The following ATE1 variants were observed in gnomAD, a reference collection of about 807,000 sequenced individuals.
ATE1 encodes the protein arginyltransferase 1.
Under a neutral mutation model 70.5 loss-of-function variants are expected in ATE1, and 36 were observed. That is an observed-to-expected ratio of 0.51 (90% CI 0.39 to 0.67). ATE1 has a LOEUF of 0.67. Among genes scored for constraint, ATE1 ranks in the 30% least tolerant of loss-of-function variants. The probability of loss-of-function intolerance (pLI) is 0.00; values close to 1 mark genes in which losing one functional copy is unlikely to be tolerated. For missense variants in ATE1, 593 were observed against 629.5 expected (o/e 0.94, Z 0.62); for synonymous variants, 232 against 219.3 (o/e 1.06, Z -0.51).
At chr10:121,843,324 A>C (rs1347594195) in intron 8 of ATE1, among the ~76,000 whole-genome samples, 1 of 152,228 alleles carries the variant, frequency 6.6e-6, no homozygotes, top group Non-Finnish European at 1.5e-5. Flanking sequence ...TTATGTGTGC[A>C]TGGATTAGAA....
At chr10:121,785,984 C>T (rs1395006973) in intron 11 of ATE1, among the ~76,000 whole-genome samples, 2 of 151,946 alleles carry the variant, frequency 1.3e-5, no homozygotes, top group Non-Finnish European at 2.9e-5. Flanking sequence ...TAGTAGCCCC[C>T]TTGAAATGAA....
In ATE1 at chr10:121,913,872, C is replaced by T. The variant is rs932760063; in HGVS notation, c.255G>A (p.Gln85=). The change falls in exon 4 of 12, where the codon CAG becomes CAA. Residue 85 remains glutamine (Q), a synonymous_variant. Coordinates refer to ENST00000224652, the MANE Select transcript of ATE1 (RefSeq NM_001001976.3). ...AAACCTTCTTGTGAGATTTTGAAGG[C>T]TGAAATTGTAAAGGTCGGCACCTAG... ...YTIRCRPLQF[Q]PSKSHKKVLK... The T allele has an allele frequency of 3.1e-6, 5 of 1,611,900 alleles. No homozygotes were observed. Among genetic ancestry groups the T allele is most frequent in the African/African-American group, 2.7e-5 (2 of 74,950 alleles).
intron 11 of ATE1, among the ~76,000 whole-genome samples, chr10:121,756,848 T>C (rs1210632730): frequency 1.3e-5 from 2 of 152,200 alleles, no homozygotes; most frequent in Non-Finnish European, 2.9e-5. Context: ...GGGGCTGCCA[T>C]GAAGACCTCT....
chr10:121,928,192 G>A, upstream of ATE1: 4 of 1,315,954 alleles, frequency 3.0e-6, no homozygotes, highest in Non-Finnish European at 3.9e-6. Context: ...CGTCAGTGAG[G>A]GTGAGGCGGA....
rs181075458 is a variant in ATE1, at chr10:121,837,216, G to A, written c.1158-399C>T. On this transcript the variant is annotated intron_variant, in intron 9 of 11. Transcript: ENST00000224652. ...CTCAAAAGCCAATAAATTACAGGACGAATAACTATTATTATGACCATTTAC... is the reference window on the plus strand; with the variant it reads ...CTCAAAAGCCAATAAATTACAGGACAAATAACTATTATTATGACCATTTAC... Among the ~76,000 whole-genome samples the A allele has an allele frequency of 5.9e-5, 9 of 152,262 alleles. No individual in the cohort carries two copies. In the East Asian group the frequency reaches 1.2e-3, roughly 20 times the overall value.
intron 11 of ATE1, among the ~76,000 whole-genome samples, chr10:121,766,686 A>C (rs1265382998): frequency 6.6e-6 from 1 of 152,152 alleles, no homozygotes; most frequent in South Asian, 2.1e-4. Flanking sequence ...CAAAACAAAA[A>C]CAAAAAACCT....
intron 10 of ATE1, among the ~76,000 whole-genome samples, chr10:121,826,083 T>C (rs1225931388): frequency 6.6e-6 from 1 of 152,192 alleles, no homozygotes; most frequent in Non-Finnish European, 1.5e-5. Context: ...ACAAATGCTA[T>C]GATTCCACTT....
chr10:121,777,784 C>T (rs115509731), intron 11 of ATE1, among the ~76,000 whole-genome samples: 2,497 of 152,148 alleles, frequency 0.016, 72 homozygotes, highest in African/African-American at 0.057. Flanking sequence ...TAGAAATTTA[C>T]GTTTATTGTG....
intron 10 of ATE1, among the ~76,000 whole-genome samples, chr10:121,794,204 TTTATA>T (rs1254808768): frequency 2.0e-5 from 3 of 152,220 alleles, no homozygotes; most frequent in South Asian, 2.1e-4. Context: ...CTATTAAAGC[TTTATA>T]TTATATTTTA....
At chr10:121,847,638 A>G (rs974185339) in intron 8 of ATE1, among the ~76,000 whole-genome samples, 4 of 150,066 alleles carry the variant, frequency 2.7e-5, no homozygotes, top group Admixed American at 6.7e-5. Context: ...TGTGCCTGTA[A>G]TCCCAGCTAC....
At chr10:121,908,226 G>A (rs554748135) in intron 5 of ATE1, among the ~76,000 whole-genome samples, 35 of 152,236 alleles carry the variant, frequency 2.3e-4, no homozygotes, top group Non-Finnish European at 3.8e-4. Flanking sequence ...CCTACCAGCC[G>A]GGTGCAGTGG....
At position 121,742,150 on chromosome 10, in the gene ATE1, G is replaced by C. The variant is rs1429601946; in HGVS notation, c.*1530C>G. ...TCTAGCTCGGTTAGCAGAGTACGCA[G>C]CACCTTGGCAGGTGTGACACACACA... On this transcript the variant is annotated 3_prime_UTR_variant, in exon 12 of 12. Coordinates refer to ENST00000224652, the MANE Select transcript of ATE1 (RefSeq NM_001001976.3). 2 of 152,350 alleles carry C rather than the reference G, an allele frequency of 1.3e-5. No individual in the cohort carries two copies. Among genetic ancestry groups the C allele is most frequent in the South Asian group, 4.1e-4 (2 of 4,830 alleles). 9.4% of individuals were successfully genotyped at this position (152,350 alleles called of 1,614,324 possible).
intron 5 of ATE1, among the ~76,000 whole-genome samples, chr10:121,902,951 C>T (rs971359907): frequency 3.1e-4 from 47 of 152,180 alleles, no homozygotes; most frequent in African/African-American, 1.0e-3. Flanking sequence ...CTGCAACCTC[C>T]GCCTCCCAGG....
intron 8 of ATE1, among the ~76,000 whole-genome samples, chr10:121,846,180 T>C (rs1411163434): frequency 2.7e-5 from 4 of 147,198 alleles, no homozygotes; most frequent in African/African-American, 9.9e-5. Flanking sequence ...GGTATACCAA[T>C]GGAGCACAGA....
In ATE1 at chr10:121,927,953, C is replaced by T. The variant is rs567379238; in HGVS notation, c.-4G>A. 7.9e-5 allele frequency: 121 copies of T among 1,537,128 alleles called. No homozygotes were observed. Among genetic ancestry groups the T allele is most frequent in the Non-Finnish European group, 1.0e-4 (114 of 1,143,802 alleles). ...AACCCCCCGCCCAGAAAGCCATGGC[C>T]TCGGCCCCGCGAACGCTCAGCCGCC... On this transcript the variant is annotated 5_prime_UTR_variant, in exon 1 of 12. Coordinates refer to ENST00000224652, the MANE Select transcript of ATE1 (RefSeq NM_001001976.3).
intron 7 of ATE1, among the ~76,000 whole-genome samples, chr10:121,890,277 A>C (rs1950535679): frequency 6.6e-6 from 1 of 152,216 alleles, no homozygotes; most frequent in South Asian, 2.1e-4. Flanking sequence ...ATAAGCACTA[A>C]ATAGTAGATG....
intron 11 of ATE1, among the ~76,000 whole-genome samples, chr10:121,766,300 C>T (rs1263292547): frequency 2.0e-5 from 3 of 152,056 alleles, no homozygotes; most frequent in Non-Finnish European, 4.4e-5. Flanking sequence ...TAAGGGTGAT[C>T]GTTTATGCAT....
At chr10:121,812,182 G>C (rs1164460427) in intron 10 of ATE1, among the ~76,000 whole-genome samples, 1 of 151,710 alleles carries the variant, frequency 6.6e-6, no homozygotes, top group Admixed American at 6.6e-5. Flanking sequence ...TCTGGAACTC[G>C]TAAGCTCAGG....
chr10:121,818,045 C>T (rs1947628827), intron 10 of ATE1, among the ~76,000 whole-genome samples: 2 of 151,948 alleles, frequency 1.3e-5, no homozygotes, highest in Admixed American at 6.6e-5. Context: ...AATCCCAGCA[C>T]CTGAGCTCAG....
Sources: gnomAD v4.1 joint callset for allele counts (sites outside exome capture counted in the v4.1 genomes callset) on GRCh38, gnomAD v4.1.1 for gene constraint, MANE v1.5 for transcripts, NCBI Gene and HGNC (gene_info 2026-07-23, HGNC 2026-07-21) for gene names.